NLRP13: variants seen among roughly 807,000 people sequenced by gnomAD.
NLRP13 encodes the protein NLR family pyrin domain containing 13.
Under a neutral mutation model 94.4 loss-of-function variants are expected in NLRP13, and 82 were observed. The ratio of observed to expected loss-of-function variants is 0.87; its 90% CI spans 0.73 to 1.04. NLRP13 has a LOEUF of 1.04. Among genes scored for constraint, NLRP13 ranks in the 50% least tolerant of loss-of-function variants. The pLI, the probability that NLRP13 is intolerant of heterozygous loss-of-function variation, is 0.00. For synonymous variants in NLRP13, 553 were observed against 464.7 expected, an observed-to-expected ratio of 1.19 and a Z score of -2.45; for missense variants, 1,426 against 1,230.8, an observed-to-expected ratio of 1.16 and a Z score of -2.37.
intron 1 of NLRP13, among the ~76,000 whole-genome samples, chr19:55,928,826 G>T (rs1311375247): frequency 6.6e-6 from 1 of 152,132 alleles, no homozygotes; most frequent in African/African-American, 2.4e-5. Context: ...CACAGCAGAA[G>T]AAACTGTCAC....
chr19:55,931,903 T>C (rs1306904852), intron 1 of NLRP13, 90 bp downstream of exon 1: 19 of 1,055,966 alleles, frequency 1.8e-5, no homozygotes, highest in Non-Finnish European at 2.6e-5. Context: ...AGATCGGCAG[T>C]GTGGAATGAC....
In NLRP13 at chr19:55,932,180, G is replaced by A. The variant is rs755515128; in HGVS notation, c.132C>T (p.Phe44=). 3 of 1,614,120 alleles carry A rather than the reference G, an allele frequency of 1.9e-6. No homozygotes were observed. Among genetic ancestry groups the A allele is most frequent in the South Asian group, 1.1e-5 (1 of 91,080 alleles). ...GGAAGTGCCCCTGGGGGGCCGACCA[G>A]AAGTCCATCAGCTGCTGGGGTTCCA... is the stretch of plus-strand genomic sequence containing the variant. The part of the protein sequence containing the change: ...LCLEPQQLMD[F]WSAPQGHFPR... Residue 44 remains phenylalanine (F), a synonymous_variant, in exon 1 of 11, where the codon TTC becomes TTT. Transcript: ENST00000342929.
intron 6 of NLRP13, 103 bp downstream of exon 6, chr19:55,910,460 C>G: frequency 8.9e-7 from 1 of 1,127,866 alleles, no homozygotes; most frequent in Non-Finnish European, 1.2e-6. Flanking sequence ...CTCCTGAGCA[C>G]GTAGCTTGCC....
intron 6 of NLRP13, among the ~76,000 whole-genome samples, chr19:55,910,072 TC>T (rs1458373240): frequency 6.6e-6 from 1 of 152,114 alleles, no homozygotes; most frequent in Non-Finnish European, 1.5e-5. Context: ...CAATGTAAGA[TC>T]CCTGATGGCA....
At chr19:55,917,631 T>G (rs1267925047) in intron 4 of NLRP13, among the ~76,000 whole-genome samples, 1 of 151,976 alleles carries the variant, frequency 6.6e-6, no homozygotes, top group East Asian at 1.9e-4. Context: ...TAGCTATACT[T>G]ATATTAGTTG....
At chr19:55,913,384 A>C in intron 4 of NLRP13, 91 bp from the exon 5 acceptor site, 1 of 1,364,946 alleles carries the variant, frequency 7.3e-7, no homozygotes, top group South Asian at 1.4e-5. Context: ...CAAAGACTTG[A>C]ATAAGAGAAA....
intron 6 of NLRP13, among the ~76,000 whole-genome samples, chr19:55,910,083 A>G (rs1385881201): frequency 6.6e-6 from 1 of 152,196 alleles, no homozygotes; most frequent in Non-Finnish European, 1.5e-5. Flanking sequence ...CCCTGATGGC[A>G]GGAGTTATCT....
chr19:55,903,417 C>G (rs1175262361), intron 8 of NLRP13, among the ~76,000 whole-genome samples: 2 of 152,102 alleles, frequency 1.3e-5, no homozygotes, highest in Non-Finnish European at 2.9e-5. Context: ...GAAAACCCAC[C>G]TTTCCCTCTA....
downstream of NLRP13, among the ~76,000 whole-genome samples, chr19:55,893,937 C>A (rs570706552): frequency 6.6e-6 from 1 of 151,866 alleles, no homozygotes; most frequent in South Asian, 2.1e-4. Context: ...AGGTGCAGAT[C>A]GTGACTCACT....
chr19:55,924,722 G>A, intron 2 of NLRP13, 64 bp from the exon 3 acceptor site: 2 of 1,441,088 alleles, frequency 1.4e-6, no homozygotes, highest in Non-Finnish European at 2.0e-6. Context: ...CAGCAATAAT[G>A]GAAGCCCCCA....
At chr19:55,931,295 G>C (rs1444514953) in intron 1 of NLRP13, among the ~76,000 whole-genome samples, 2 of 152,008 alleles carry the variant, frequency 1.3e-5, no homozygotes, top group Non-Finnish European at 2.9e-5. Flanking sequence ...GCAGGGCGGG[G>C]GTTGTTGTGG....
At chr19:55,906,922 A>G (rs142714697) in intron 7 of NLRP13, among the ~76,000 whole-genome samples, 1 of 151,908 alleles carries the variant, frequency 6.6e-6, no homozygotes, top group Non-Finnish European at 1.5e-5. Flanking sequence ...CCCACCCCAA[A>G]TGTGCAGGAT....
chr19:55,921,210 T>C (rs926543680), intron 4 of NLRP13, among the ~76,000 whole-genome samples: 4 of 152,194 alleles, frequency 2.6e-5, no homozygotes, highest in African/African-American at 9.6e-5. Flanking sequence ...GCTCAGACTT[T>C]ACCACTACAC....
intron 4 of NLRP13, among the ~76,000 whole-genome samples, chr19:55,916,837 C>A (rs1205546948): frequency 6.6e-6 from 1 of 151,918 alleles, no homozygotes; most frequent in Non-Finnish European, 1.5e-5. Flanking sequence ...GGCAAGAGAT[C>A]CAGGCATCCA....
At chr19:55,911,374 G>T (rs1986505009) in intron 5 of NLRP13, among the ~76,000 whole-genome samples, 2 of 152,174 alleles carry the variant, frequency 1.3e-5, no homozygotes, top group South Asian at 4.1e-4. Flanking sequence ...GGGACCACAG[G>T]TGTGTGCCAC....
chr19:55,915,190 A>G (rs1209364838), intron 4 of NLRP13, among the ~76,000 whole-genome samples: 2 of 152,198 alleles, frequency 1.3e-5, no homozygotes, highest in East Asian at 3.8e-4. Context: ...CACTTCAGAA[A>G]AAGTAGATTT....
At chr19:55,927,258 A>G (rs1986987145) in intron 1 of NLRP13, among the ~76,000 whole-genome samples, 2 of 151,112 alleles carry the variant, frequency 1.3e-5, no homozygotes, top group South Asian at 4.2e-4. Flanking sequence ...ACTCCCAGCT[A>G]TTTGGGAGGC....
chr19:55,914,396 AG>A, intron 4 of NLRP13, among the ~76,000 whole-genome samples: 1 of 152,328 alleles, frequency 6.6e-6, no homozygotes, highest in African/African-American at 2.4e-5. Flanking sequence ...TTAGAACTCC[AG>A]GTTTTATAAA....
At position 55,902,063 on chromosome 19, in the gene NLRP13, G is replaced by C. The variant is rs567099653; in HGVS notation, c.2761C>G (p.Arg921Gly). ...AGGCTCTGCAGGTTACCATCTGGGC[G>C]ACCCAAGGCCTCACACAGGAACTTG... ...GVKFLCEALGRPDGNLQSLNL... is the reference protein window; with the variant it reads ...GVKFLCEALGGPDGNLQSLNL... Residue 921 changes from arginine to glycine, a missense_variant, in exon 9 of 11, where the codon CGC becomes GGC. Transcript: ENST00000342929. 1.2e-6 allele frequency: 2 copies of C among 1,614,102 alleles called. No homozygotes were observed. Among genetic ancestry groups the C allele is most frequent in the Middle Eastern group, 1.6e-4 (1 of 6,062 alleles).
Sources: allele counts gnomAD v4.1 joint callset (sites outside exome capture counted in the v4.1 genomes callset), GRCh38; gene constraint gnomAD v4.1.1; transcripts MANE v1.5; gene names NCBI Gene and HGNC (gene_info 2026-07-23, HGNC 2026-07-21).